ANO3: variants seen among roughly 807,000 people sequenced by gnomAD.
ANO3 encodes anoctamin 3.
In ANO3, 99 loss-of-function variants were observed where a neutral mutation model predicts 144.8. That is an observed-to-expected ratio of 0.68 (90% CI 0.58 to 0.81). The LOEUF is 0.81. Ranked by LOEUF, ANO3 falls within the 30% of genes least tolerant of loss-of-function variation. The pLI is 0.00. For missense variants in ANO3, 905 were observed against 1,202.2 expected (o/e 0.75, Z 3.66); for synonymous variants, 414 against 392.6 (o/e 1.05, Z -0.64).
At position 26,253,082 on chromosome 11, in the gene ANO3, C is replaced by T. The variant is rs532243629; in HGVS notation, c.155-56563C>T. ...CTTTAACGCTTCACAATAATGACTG[C>T]CATGTCCACAGAAGGCAAGCCCTTT... On this transcript the variant is annotated intron_variant, in intron 1 of 27. Transcript: ENST00000672621. Among the ~76,000 whole-genome samples the T allele has an allele frequency of 7.9e-5, 12 of 152,242 alleles. 1 individual carries two copies. In the South Asian group the frequency reaches 2.5e-3, roughly 32 times the overall value.
At chr11:26,577,946 G>A (rs138307265) in intron 14 of ANO3, among the ~76,000 whole-genome samples, 3,072 of 152,286 alleles carry the variant, frequency 0.02, 46 homozygotes, top group Middle Eastern at 0.037. Context: ...TGTTGGAATT[G>A]CAGTTTATAG....
intron 1 of ANO3, among the ~76,000 whole-genome samples, chr11:26,269,838 A>T (rs926818811): frequency 2.2e-4 from 34 of 152,312 alleles, no homozygotes; most frequent in African/African-American, 7.9e-4. Flanking sequence ...TTGAAATCCG[A>T]AATCCCCAGT....
At chr11:26,526,485 G>GT (rs1015992549) in intron 7 of ANO3, among the ~76,000 whole-genome samples, 71 of 152,296 alleles carry the variant, frequency 4.7e-4, no homozygotes, top group African/African-American at 1.7e-3. Context: ...GTTGAAGGAT[G>GT]TATGTTACAA....
intron 1 of ANO3, among the ~76,000 whole-genome samples, chr11:26,213,636 A>C (rs1265921477): frequency 6.6e-6 from 1 of 152,160 alleles, no homozygotes; most frequent in Non-Finnish European, 1.5e-5. Flanking sequence ...GAGGACGCAA[A>C]CAAATGGAAA....
At chr11:26,333,540 C>T (rs1340730301) in intron 1 of ANO3, among the ~76,000 whole-genome samples, 1 of 152,158 alleles carries the variant, frequency 6.6e-6, no homozygotes. Context: ...CCTTAGCCTC[C>T]CAAAGTGCTG....
intron 9 of ANO3, among the ~76,000 whole-genome samples, chr11:26,535,571 CTTTTTTTTTTT>C (rs72278856): frequency 1.0e-4 from 6 of 58,610 alleles, no homozygotes; most frequent in South Asian, 1.1e-3. Flanking sequence ...AAGACAGCCA[CTTTTTTTTTTT>C]TTTTTTTTTT....
In ANO3 at chr11:26,274,290, AAAC is replaced by A. The variant is rs555703620; in HGVS notation, c.155-35352_155-35350del. Among the ~76,000 whole-genome samples the A allele has an allele frequency of 2.1e-4, 32 of 152,310 alleles. 1 individual carries two copies. The South Asian group carries it at 6.6e-3, about 32-fold the overall frequency. ...ATATAAATTTTAACAATATACAAAT[AAAC>A]AATATACAATATTAACAATACAATC... On this transcript the variant is annotated intron_variant, in intron 1 of 27. Coordinates refer to the ANO3 transcript ENST00000672621.
Position 26,547,442 on chromosome 11 carries a change from T to A in ANO3, c.1181T>A (p.Leu394Gln). 6.2e-7 allele frequency: 1 copy of A among 1,611,990 alleles called. No homozygotes were observed. Among genetic ancestry groups the A allele is most frequent in the Non-Finnish European group, 8.5e-7 (1 of 1,178,482 alleles). ...CTATACTTTGGTGAGAAGATTGGAC[T>A]ATACTTTGCTTGGCTGGGATGGTAT... ...IRLYFGEKIG[L>Q]YFAWLGWYTG... is the part of the protein sequence containing the mutation. The change falls in exon 12 of 27, where the codon CTA becomes CAA. Residue 394 changes from leucine to glutamine, a missense_variant. Physicochemically the swap from Leu to Gln is moderately radical, Grantham distance 113. Around this residue, in one of 4 missense-constraint regions of ANO3, gnomAD observed 597 missense variants for 865.1 expected, o/e 0.69. Coordinates refer to ENST00000256737, the MANE Select transcript of ANO3 (RefSeq NM_031418.4).
intron 1 of ANO3, among the ~76,000 whole-genome samples, chr11:26,274,283 T>C (rs1337915725): frequency 6.6e-6 from 1 of 152,118 alleles, no homozygotes; most frequent in Non-Finnish European, 1.5e-5. Flanking sequence ...TTTAACAATA[T>C]ACAAATAAAC....
upstream of ANO3, among the ~76,000 whole-genome samples, chr11:26,307,766 A>G (rs1007083077): frequency 2.3e-5 from 3 of 131,382 alleles, no homozygotes; most frequent in African/African-American, 7.7e-5. Flanking sequence ...ATAACAATTT[A>G]ATGAAAAAGA....
At chr11:26,348,104 A>G (rs187326483) in intron 1 of ANO3, among the ~76,000 whole-genome samples, 51 of 152,312 alleles carry the variant, frequency 3.3e-4, no homozygotes, top group African/African-American at 1.0e-3. Flanking sequence ...TTATTTTTCA[A>G]TAATACTTTC....
chr11:26,544,275 C>CACATACATTATATATATATATATATATAT (rs1554967708), intron 11 of ANO3, among the ~76,000 whole-genome samples: 1 of 45,240 alleles, frequency 2.2e-5, no homozygotes, highest in African/African-American at 6.7e-5. Flanking sequence ...TATATATATA[C>CACATACATTATATATATATATATATATAT]ACACATACAC....
In ANO3 at chr11:26,547,658, T is replaced by A. The variant is rs1849822527; in HGVS notation, c.1289+108T>A. 4.7e-6 allele frequency: 5 copies of A among 1,063,186 alleles called. No homozygotes were observed. In the South Asian group the frequency reaches 4.8e-5, roughly 10 times the overall value. 65.9% of individuals were successfully genotyped at this position (1,063,186 alleles called of 1,614,324 possible). ...AATCAAATGGTTGATGATACTACAATTTAATTTATTTGCTATTTCTGTTTT... is the reference window on the plus strand; with the variant it reads ...AATCAAATGGTTGATGATACTACAAATTAATTTATTTGCTATTTCTGTTTT... On this transcript the variant is annotated intron_variant, in intron 12 of 26. Coordinates refer to ENST00000256737, the MANE Select transcript of ANO3 (RefSeq NM_031418.4).
upstream of ANO3, among the ~76,000 whole-genome samples, chr11:26,305,692 T>C (rs949196595): frequency 1.3e-5 from 2 of 152,224 alleles, no homozygotes; most frequent in Non-Finnish European, 2.9e-5. Context: ...ATTATATTTA[T>C]TTTTTCATAC....
At chr11:26,329,992 T>C (rs1209797824), upstream of ANO3, among the ~76,000 whole-genome samples, 1 of 152,138 alleles carries the variant, frequency 6.6e-6, no homozygotes, top group Non-Finnish European at 1.5e-5. Flanking sequence ...CTTTAATTCT[T>C]TTAACTAGTC....
chr11:26,509,744 T>C, intron 5 of ANO3, among the ~76,000 whole-genome samples: 1 of 152,162 alleles, frequency 6.6e-6, no homozygotes, highest in Non-Finnish European at 1.5e-5. Context: ...CACTTAGATA[T>C]AATATTGGAA....
intron 1 of ANO3, among the ~76,000 whole-genome samples, chr11:26,421,101 T>A (rs1296925925): frequency 2.6e-5 from 4 of 152,008 alleles, no homozygotes; most frequent in Non-Finnish European, 4.4e-5. Flanking sequence ...TGACAGATCC[T>A]AACGGGACTC....
intron 1 of ANO3, among the ~76,000 whole-genome samples, chr11:26,242,626 T>A (rs1292244110): frequency 6.6e-6 from 1 of 152,160 alleles, no homozygotes; most frequent in Non-Finnish European, 1.5e-5. Flanking sequence ...GATGGAAAAG[T>A]TTTATAATAG....
At chr11:26,258,981 T>C (rs1003065933) in intron 1 of ANO3, among the ~76,000 whole-genome samples, 3 of 152,178 alleles carry the variant, frequency 2.0e-5, no homozygotes, top group African/African-American at 7.2e-5. Flanking sequence ...TTCATGGAGT[T>C]TAGATTGGGT....
Sources: allele counts gnomAD v4.1 joint callset (sites outside exome capture counted in the v4.1 genomes callset), GRCh38; gene constraint gnomAD v4.1.1; regional missense constraint gnomAD v4.1.1; transcripts MANE v1.5; gene names NCBI Gene and HGNC (gene_info 2026-07-23, HGNC 2026-07-21).